MYBPH: variants seen among roughly 807,000 people sequenced by gnomAD.
MYBPH encodes the protein myosin-binding protein H.
MYBPH carries 49 observed loss-of-function variants against 53.6 expected under a neutral mutation model. The observed-to-expected ratio is 0.91, with a 90% confidence interval of 0.73 to 1.16. MYBPH has a LOEUF of 1.16. MYBPH is among the 50% of genes most tolerant of loss of function. The pLI, the probability that MYBPH is intolerant of heterozygous loss-of-function variation, is 0.00. For missense variants in MYBPH, 558 were observed against 624.1 expected (o/e 0.89, Z 1.13); for synonymous variants, 239 against 249.6 (o/e 0.96, Z 0.40).
chr1:203,175,406 C>G lies in MYBPH; in HGVS notation c.261G>C (p.Val87=), dbSNP rs200640888. 61 of 1,547,976 alleles carry G rather than the reference C, an allele frequency of 3.9e-5. No individual in the cohort carries two copies. The East Asian group carries it at 1.2e-3, about 30-fold the overall frequency. The change falls in exon 2 of 11, where the codon GTG becomes GTC. Residue 87 remains valine, a synonymous_variant. Coordinates refer to ENST00000255416, the MANE Select transcript of MYBPH (RefSeq NM_004997.3). ...LTLDDVSSSS[V]TVSWEPPERL... ...TCTCTGGGGGCTCCCAGCTCACAGT[C>G]ACAGAGCTGCTGCTCACATCATCCA...
Position 203,168,763 on chromosome 1 carries a change from C to A in MYBPH, c.1418-88G>T, listed in dbSNP as rs1017104617. On this transcript the variant is annotated intron_variant, in intron 9 of 10. Transcript: ENST00000255416. ...ATACACCCTCTTCTACACCTGTCCA[C>A]CCTGCCGCTTGGAAAGTAATCAGCA... 94 of 1,598,988 alleles carry A rather than the reference C, an allele frequency of 5.9e-5. No individual in the cohort carries two copies. In the African/African-American group the frequency reaches 8.8e-4, roughly 15 times the overall value.
At chr1:203,179,184 C>T (rs1423665735), upstream of MYBPH, 1 of 333,102 alleles carries the variant, frequency 3.0e-6, no homozygotes. Context: ...GATCTGTAAA[C>T]ATTTCCATTA....
chr1:203,171,936 TG>T lies in MYBPH; in HGVS notation c.597+15del, dbSNP rs745745369. The T allele has an allele frequency of 7.2e-5, 95 of 1,321,142 alleles. No homozygotes were observed. The highest frequency in any genetic ancestry group is 9.0e-5 in the Non-Finnish European group (92 of 1,027,258). 81.8% of individuals were successfully genotyped at this position (1,321,142 alleles called of 1,614,324 possible). On this transcript the variant is annotated intron_variant, in intron 4 of 10. Transcript: ENST00000255416. The surrounding 1 kb of genome is among the most constrained non-coding windows in gnomAD (Gnocchi z 4.2). ...TTCCCACCCAGGCTGTTACCCTTGG[TG>T]GGGGTAATACCCACCTGGAAGGGGA...
rs369174916 is a variant in MYBPH, at chr1:203,175,704, C to T, written c.52G>A (p.Ala18Thr). The change falls in exon 1 of 11, where the codon GCA becomes ACA. Residue 18 changes from alanine to threonine, a missense_variant. Physicochemically the swap from Ala to Thr is moderately conservative, Grantham distance 58 (BLOSUM62 0). Coordinates refer to ENST00000255416, the MANE Select transcript of MYBPH (RefSeq NM_004997.3). ...EGPACSPEET[A>T]SESAKVPTAE... is the part of the protein sequence containing the mutation. ...GTGGGCACCTTGGCAGATTCAGATG[C>T]GGTCTCCTCTGGACTGCAGGCAGGG... is the stretch of plus-strand genomic sequence containing the variant. 1.3e-5 allele frequency: 21 copies of T among 1,613,924 alleles called. No individual in the cohort carries two copies. Among genetic ancestry groups the T allele is most frequent in the Middle Eastern group, 1.6e-4 (1 of 6,082 alleles).
Position 203,170,551 on chromosome 1 carries a change from A to G in MYBPH, c.934-101T>C, listed in dbSNP as rs1222070001. 5.5e-6 allele frequency: 8 copies of G among 1,446,760 alleles called. No individual in the cohort carries two copies. The Admixed American group carries it at 1.3e-4, about 23-fold the overall frequency. 89.6% of individuals were successfully genotyped at this position (1,446,760 alleles called of 1,614,324 possible). A position where few individuals can be genotyped will look rare whatever the true frequency, so the allele number is the denominator to read the frequency against. ...CACAGGAACTCATTCCATGCCCCCA[A>G]CCTTAGGATGCTGAACCATCCAGCT... On this transcript the variant is annotated intron_variant, in intron 6 of 10. Coordinates refer to ENST00000255416, the MANE Select transcript of MYBPH (RefSeq NM_004997.3).
intron 3 of MYBPH, among the ~76,000 whole-genome samples, chr1:203,173,260 C>A (rs933417296): frequency 2.6e-5 from 4 of 152,214 alleles, no homozygotes; most frequent in African/African-American, 9.6e-5. Flanking sequence ...CCGTCCCAAC[C>A]AAGAAGCCTT....
rs201974800 is a variant in MYBPH, at chr1:203,168,920, C to T, written c.1403G>A (p.Arg468Gln). The change falls in exon 9 of 11, where the codon CGG becomes CAG. Residue 468 changes from arginine to glutamine, a missense_variant. Transcript: ENST00000255416. Reference sequence around the variant, plus strand: ...CAAACTCTCACCTTTGACCTCCAGCCGGCAGTCCACAGATGCCTCCCCCAG... The same window carrying T: ...CAAACTCTCACCTTTGACCTCCAGCTGGCAGTCCACAGATGCCTCCCCCAG... ...NVLGEASVDC[R>Q]LEVKASAAH 6.3e-5 allele frequency: 102 copies of T among 1,613,984 alleles called. No homozygotes were observed. The highest frequency in any genetic ancestry group is 5.7e-4 in the African/African-American group (43 of 75,024).
intron 3 of MYBPH, among the ~76,000 whole-genome samples, chr1:203,173,221 C>A (rs961530610): frequency 3.3e-5 from 5 of 152,232 alleles, no homozygotes; most frequent in Non-Finnish European, 7.3e-5. Flanking sequence ...AGAGTCTGAG[C>A]TCCCTGGTTC....
chr1:203,174,541 G>T lies in MYBPH; in HGVS notation c.397C>A (p.Arg133=), dbSNP rs1429432539. The T allele has an allele frequency of 1.9e-6, 3 of 1,612,450 alleles. No homozygotes were observed. Among genetic ancestry groups the T allele is most frequent in the African/African-American group, 2.7e-5 (2 of 74,898 alleles). Residue 133 remains arginine (R), a synonymous_variant, in exon 3 of 11, where the codon CGG becomes AGG. Transcript: ENST00000255416. ...AACTTGTCTCCCAGAGCCAGGTTCC[G>T]CACAGTCTGCTGGGTCACCATCATG... is the stretch of plus-strand genomic sequence containing the variant. The part of the protein sequence containing the change: ...RPMMVTQQTV[R]NLALGDKFLL...
rs943221351 is a variant in MYBPH, at chr1:203,169,181, G to A, written c.1230+72C>T. Reference sequence around the variant, plus strand: ...TCCCCAGGCTTAGGTGTGGACGCCCGGAGGATTCCTCAGCCCTGCTGTCCC... The same window carrying A: ...TCCCCAGGCTTAGGTGTGGACGCCCAGAGGATTCCTCAGCCCTGCTGTCCC... On this transcript the variant is annotated intron_variant, in intron 8 of 10. Transcript: ENST00000255416. 51 of 1,577,394 alleles carry A rather than the reference G, an allele frequency of 3.2e-5. No individual in the cohort carries two copies. In the African/African-American group the frequency reaches 4.2e-4, roughly 13 times the overall value.
At position 203,175,733 on chromosome 1, in the gene MYBPH, T is replaced by C; in HGVS notation, c.23A>G (p.Glu8Gly). Residue 8 changes from glutamate (E) to glycine (G), a missense_variant, in exon 1 of 11, where the codon GAG (glutamate) becomes GGG (glycine). Glu to Gly is a moderately conservative substitution (Grantham distance 98). Coordinates refer to ENST00000255416, the MANE Select transcript of MYBPH (RefSeq NM_004997.3). MMEKNTS[E>G]GPACSPEETA... ...CTCCTCTGGACTGCAGGCAGGGCCC[T>C]CGGAGGTGTTTTTTTCCATCATTGC... is the stretch of plus-strand genomic sequence containing the variant. The C allele has an allele frequency of 6.2e-7, 1 of 1,613,994 alleles. No individual in the cohort carries two copies. The highest frequency in any genetic ancestry group is 8.5e-7 in the Non-Finnish European group (1 of 1,179,988).
rs1325033264 is a variant in MYBPH at position 203,174,573 on chromosome 1, G to A, written c.365C>T (p.Ala122Val). The change falls in exon 3 of 11, where the codon GCC becomes GTC. Residue 122 changes from alanine (A) to valine (V), a missense_variant. Transcript: ENST00000255416. The stretch of plus-strand genomic sequence containing the variant: ...CTGCTGGGTCACCATCATGGGCCGG[G>A]CACTCACAGGCACCCACTCCGAGGC... ...EGASEWVPVS[A>V]RPMMVTQQTV... 1.2e-6 allele frequency: 2 copies of A among 1,606,002 alleles called. No homozygotes were observed. The highest frequency in any genetic ancestry group is 1.7e-6 in the Non-Finnish European group (2 of 1,173,592).
Position 203,171,978 on chromosome 1 carries a change from T to C in MYBPH, c.571A>G (p.Thr191Ala). The change falls in exon 4 of 11, where the codon ACG becomes GCG. Residue 191 changes from threonine (T) to alanine (A), a missense_variant. By Grantham distance (58) the Thr-to-Ala change is moderately conservative. Transcript: ENST00000255416. This position sits in a 1 kb window ranked among gnomAD's most constrained non-coding sequence, Gnocchi z 4.2. ...RQTYIRQVGE[T>A]VNLQIPFQGK... ...TGGAAGGGGATTTGCAGGTTGACCG[T>C]CTCTCCCACCTGGCGGATGTAGGTC... 7.6e-7 allele frequency: 1 copy of C among 1,323,532 alleles called. No individual in the cohort carries two copies. Among genetic ancestry groups the C allele is most frequent in the Non-Finnish European group, 9.7e-7 (1 of 1,028,772 alleles). 82.0% of individuals were successfully genotyped at this position (1,323,532 alleles called of 1,614,324 possible).
chr1:203,168,713 G>A, intron 9 of MYBPH, 38 bp from the exon 10 acceptor site: 4 of 1,574,894 alleles, frequency 2.5e-6, no homozygotes, highest in Non-Finnish European at 3.5e-6. Flanking sequence ...GGGGGAAGTG[G>A]CGGGGAACTG....
rs1204788319 is a variant in MYBPH, at chr1:203,168,770, G to A, written c.1418-95C>T. ...CTCTTCTACACCTGTCCACCCTGCC[G>A]CTTGGAAAGTAATCAGCACAGCCTG... On this transcript the variant is annotated intron_variant, in intron 9 of 10. Coordinates refer to ENST00000255416, the MANE Select transcript of MYBPH (RefSeq NM_004997.3). 29 of 1,594,132 alleles carry A rather than the reference G, an allele frequency of 1.8e-5. No homozygotes were observed. In the East Asian group the frequency reaches 4.5e-4, roughly 25 times the overall value.
In MYBPH at chr1:203,172,911, A is replaced by T. The variant is rs188020004; in HGVS notation, c.509-871T>A. 3.7e-4 allele frequency among the ~76,000 whole-genome samples: 56 copies of T among 152,284 alleles called. No individual in the cohort carries two copies. The East Asian group carries it at 0.011, about 29-fold the overall frequency. On this transcript the variant is annotated intron_variant, in intron 3 of 10. Coordinates refer to ENST00000255416, the MANE Select transcript of MYBPH (RefSeq NM_004997.3). ...GAGAAGGAACACGGTGTCTCTGAGG[A>T]TTAGCTGAGTGGGCACTTGGCTCTG... is the stretch of plus-strand genomic sequence containing the variant.
chr1:203,171,928 A>G lies in MYBPH; in HGVS notation c.597+24T>C. ...GGCCCTGGTTCCCACCCAGGCTGTTACCCTTGGTGGGGGTAATACCCACCT... is the reference window on the plus strand; with the variant it reads ...GGCCCTGGTTCCCACCCAGGCTGTTGCCCTTGGTGGGGGTAATACCCACCT... On this transcript the variant is annotated intron_variant, in intron 4 of 10. Coordinates refer to ENST00000255416, the MANE Select transcript of MYBPH (RefSeq NM_004997.3). This position sits in a 1 kb window ranked among gnomAD's most constrained non-coding sequence, Gnocchi z 4.2. 7.7e-7 allele frequency: 1 copy of G among 1,301,696 alleles called. No individual in the cohort carries two copies. The highest frequency in any genetic ancestry group is 2.9e-5 in the East Asian group (1 of 34,960). The allele number at this position is 1,301,696 out of a possible 1,614,324, so 80.6% of individuals were successfully genotyped here. A position where few individuals can be genotyped will look rare whatever the true frequency, so the allele number is the denominator to read the frequency against.
At position 203,171,443 on chromosome 1, in the gene MYBPH, C is replaced by G. The variant is rs374945153; in HGVS notation, c.733G>C (p.Glu245Gln). 2 of 1,613,984 alleles carry G rather than the reference C, an allele frequency of 1.2e-6. No individual in the cohort carries two copies. The highest frequency in any genetic ancestry group is 3.3e-5 in the Admixed American group (2 of 60,030). ...AGGTCTTCCACGCGCACAGTGAGCT[C>G]GTAGCGGCCAGAGTCGGAGCGCTGG... ...SAQRSDSGRY[E>Q]LTVRVEDLEA... The change falls in exon 5 of 11, where the codon GAG (glutamate) becomes CAG (glutamine). Residue 245 changes from glutamate (E) to glutamine (Q), a missense_variant. Physicochemically the swap from Glu to Gln is conservative, Grantham distance 29 (BLOSUM62 2). Coordinates refer to ENST00000255416, the MANE Select transcript of MYBPH (RefSeq NM_004997.3). This position sits in a 1 kb window ranked among gnomAD's most constrained non-coding sequence, Gnocchi z 4.2.
At position 203,174,524 on chromosome 1, in the gene MYBPH, T is replaced by C; in HGVS notation, c.414A>G (p.Gly138=). 6.2e-7 allele frequency: 1 copy of C among 1,613,490 alleles called. No homozygotes were observed. The highest frequency in any genetic ancestry group is 8.5e-7 in the Non-Finnish European group (1 of 1,179,524). Residue 138 remains glycine (G), a synonymous_variant, in exon 3 of 11, where the codon GGA becomes GGG. Coordinates refer to ENST00000255416, the MANE Select transcript of MYBPH (RefSeq NM_004997.3). ...CAGACACGCGCAGGAGGAACTTGTC[T>C]CCCAGAGCCAGGTTCCGCACAGTCT... ...TQQTVRNLAL[G]DKFLLRVSAV...
Sources: gnomAD v4.1 joint callset for allele counts (sites outside exome capture counted in the v4.1 genomes callset) on GRCh38, gnomAD v4.1.1 for gene constraint, Gnocchi (gnomAD v3.1) non-coding constraint, MANE v1.5 for transcripts, NCBI Gene and HGNC (gene_info 2026-07-23, HGNC 2026-07-21) for gene names.